Variants in MEGF6 observed in about 807,000 individuals in gnomAD.
MEGF6 encodes multiple epidermal growth factor-like domains protein 6.
A neutral mutation model predicts 207.1 loss-of-function variants in MEGF6; 184 were observed. The observed-to-expected ratio is 0.89, with a 90% CI of 0.79 to 1.00. The LOEUF is 1.00. Ranked by LOEUF, MEGF6 falls within the 50% of genes least tolerant of loss-of-function variation. The probability of loss-of-function intolerance (pLI) is 0.00; values close to 1 mark genes in which losing one functional copy is unlikely to be tolerated. For missense variants in MEGF6, 2,282 were observed against 2,202.9 expected, an observed-to-expected ratio of 1.04 and a Z score of -0.72; for synonymous variants, 1,038 against 910.0, an observed-to-expected ratio of 1.14 and a Z score of -2.53.
At chr1:3,555,820 C>G (rs1427577452) in intron 4 of MEGF6, among the ~76,000 whole-genome samples, 1 of 152,234 alleles carries the variant, frequency 6.6e-6, no homozygotes, top group African/African-American at 2.4e-5. Context: ...CTTGCCCCTG[C>G]CCCCAACCAA....
chr1:3,542,558 G>A (rs1410752384), intron 4 of MEGF6, among the ~76,000 whole-genome samples: 1 of 152,190 alleles, frequency 6.6e-6, no homozygotes, highest in Non-Finnish European at 1.5e-5. Context: ...AGAGAGTGGG[G>A]AGCCCAGGCC....
chr1:3,498,396 G>A lies in MEGF6; in HGVS notation c.3327C>T (p.Gly1109=), dbSNP rs762540872. 1.9e-6 allele frequency: 3 copies of A among 1,600,774 alleles called. No homozygotes were observed. In the African/African-American group the frequency reaches 4.0e-5, roughly 21 times the overall value. ...GGCTCTGACACTTGTCCCCAGTCCA[G>A]CCGGCTGGGCAGAGGCAGCGGCCCG... ...PHTGRCLCPA[G]WTGDKCQSPC... Residue 1109 remains glycine (G), a synonymous_variant, in exon 26 of 37, where the codon GGC becomes GGT. Coordinates refer to ENST00000356575, the MANE Select transcript of MEGF6 (RefSeq NM_001409.4).
chr1:3,605,076 TCA>T (rs1234559732), intron 1 of MEGF6, among the ~76,000 whole-genome samples: 1 of 150,768 alleles, frequency 6.6e-6, no homozygotes, highest in African/African-American at 2.4e-5. Flanking sequence ...ACTCACACTC[TCA>T]GTCACACACA....
At position 3,540,160 on chromosome 1, in the gene MEGF6, C is replaced by T. The variant is rs1390226155; in HGVS notation, c.482-15914G>A. Among the ~76,000 whole-genome samples, 5 of 152,346 alleles carry T rather than the reference C, an allele frequency of 3.3e-5. No individual in the cohort carries two copies. The South Asian group carries it at 6.2e-4, about 19-fold the overall frequency. The stretch of plus-strand genomic sequence containing the variant: ...GTCTTTCTGTTGCTGGGCTGGCTCT[C>T]ACCGCTGACGCTGAAGGCTATTATT... On this transcript the variant is annotated intron_variant, in intron 4 of 36. Coordinates refer to ENST00000356575, the MANE Select transcript of MEGF6 (RefSeq NM_001409.4).
chr1:3,496,395 G>A (rs1194022538), intron 29 of MEGF6, among the ~76,000 whole-genome samples: 1 of 152,274 alleles, frequency 6.6e-6, no homozygotes, highest in Non-Finnish European at 1.5e-5. Context: ...GCCCCTGGCA[G>A]ACATGGCGCA....
intron 1 of MEGF6, among the ~76,000 whole-genome samples, chr1:3,610,175 G>C (rs1433173773): frequency 6.6e-6 from 1 of 152,260 alleles, no homozygotes. Context: ...CTGGAGTAAA[G>C]CCAGACCCAG....
At chr1:3,620,826 T>G in the MEGF6 span, among the ~76,000 whole-genome samples, 1 of 152,154 alleles carries the variant, frequency 6.6e-6, no homozygotes, top group African/African-American at 2.4e-5. Context: ...GCGCTGTTAT[T>G]TATTGGGTAC....
chr1:3,548,811 C>A (rs1159819727), intron 4 of MEGF6, among the ~76,000 whole-genome samples: 1 of 152,204 alleles, frequency 6.6e-6, no homozygotes, highest in Non-Finnish European at 1.5e-5. Context: ...TCACAGCCAC[C>A]CACCCCGACC....
At chr1:3,593,830 C>G (rs1438602131) in intron 3 of MEGF6, among the ~76,000 whole-genome samples, 1 of 151,608 alleles carries the variant, frequency 6.6e-6, no homozygotes, top group Non-Finnish European at 1.5e-5. Context: ...CTGGCCAGCA[C>G]CCCCCTCCCT....
At chr1:3,534,688 G>T (rs558699890) in intron 4 of MEGF6, among the ~76,000 whole-genome samples, 2 of 152,316 alleles carry the variant, frequency 1.3e-5, no homozygotes, top group African/African-American at 4.8e-5. Flanking sequence ...AGTGTCCAGA[G>T]CTGATTCCCA....
At chr1:3,510,949 T>C (rs771258983) in intron 9 of MEGF6, 47 bp from the exon 10 acceptor site, 1 of 1,566,416 alleles carries the variant, frequency 6.4e-7, no homozygotes, top group Non-Finnish European at 8.7e-7. Flanking sequence ...CACCTGCACG[T>C]GCACACGCCC....
chr1:3,593,789 A>G (rs571693355), intron 3 of MEGF6, among the ~76,000 whole-genome samples: 1 of 152,234 alleles, frequency 6.6e-6, no homozygotes, highest in South Asian at 2.1e-4. Flanking sequence ...CATCAGCAAC[A>G]GTGGGGGCTG....
intron 35 of MEGF6, among the ~76,000 whole-genome samples, chr1:3,492,423 C>G (rs553547674): frequency 6.6e-6 from 1 of 152,308 alleles, no homozygotes; most frequent in South Asian, 2.1e-4. Context: ...CCCCTGTCCC[C>G]TGGTTAAGTG....
At chr1:3,500,798 C>A in intron 20 of MEGF6, 34 bp from the exon 21 acceptor site, 1 of 1,599,252 alleles carries the variant, frequency 6.3e-7, no homozygotes, top group Non-Finnish European at 8.5e-7. Flanking sequence ...CGGCGCAGGC[C>A]CAAGCGCGGG....
chr1:3,595,434 T>G lies in MEGF6; in HGVS notation c.280A>C (p.Met94Leu). 6.2e-7 allele frequency: 1 copy of G among 1,611,500 alleles called. No individual in the cohort carries two copies. The highest frequency in any genetic ancestry group is 1.3e-5 in the African/African-American group (1 of 74,992). ...VGHERRTVYY[M>L]GYRQVYTTEA... ...GTGGTATACACCTGCCTGTAGCCCA[T>G]GTAGTAGACGGTTCTAGAAAGAAAG... The change falls in exon 3 of 37, where the codon ATG becomes CTG. Residue 94 changes from methionine to leucine, a missense_variant. Coordinates refer to ENST00000356575, the MANE Select transcript of MEGF6 (RefSeq NM_001409.4).
rs762240993 is a variant in MEGF6, at chr1:3,499,239, T to C, written c.2993A>G (p.Asn998Ser). The C allele has an allele frequency of 3.1e-6, 5 of 1,606,236 alleles. No individual in the cohort carries two copies. The highest frequency in any genetic ancestry group is 1.7e-5 in the Admixed American group (1 of 59,292). ...AAAGCAGGCACAGGCCTGGCTGCAA[T>C]TGTGCCCGTAGGTGTGGGCTGGGCA... ...ETCPAHTYGH[N>S]CSQACACFNG... The change falls in exon 24 of 37, where the codon AAT becomes AGT. Residue 998 changes from asparagine (N) to serine (S), a missense_variant. Physicochemically the swap from Asn to Ser is conservative, Grantham distance 46. Transcript: ENST00000356575.
chr1:3,526,394 AC>A (rs1476964930), intron 4 of MEGF6, among the ~76,000 whole-genome samples: 1 of 135,892 alleles, frequency 7.4e-6, no homozygotes, highest in Non-Finnish European at 1.6e-5. Context: ...GCCAGGTGAC[AC>A]CTATTTTTTT....
Position 3,565,676 on chromosome 1 carries a change from A to G in MEGF6, c.481+14149T>C, listed in dbSNP as rs1429068853. On this transcript the variant is annotated intron_variant, in intron 4 of 36. Coordinates refer to ENST00000356575, the MANE Select transcript of MEGF6 (RefSeq NM_001409.4). The surrounding 1 kb of genome is among the most constrained non-coding windows in gnomAD (Gnocchi z 4.8). ...TAAACAGAGTGGCATGGGGCTGTCC[A>G]GGATTCCCTGTCCCAGGGGTTCAGG... is the stretch of plus-strand genomic sequence containing the variant. 2.0e-5 allele frequency among the ~76,000 whole-genome samples: 3 copies of G among 152,122 alleles called. No individual in the cohort carries two copies. Among genetic ancestry groups the G allele is most frequent in the Non-Finnish European group, 4.4e-5 (3 of 67,984 alleles).
At position 3,514,504 on chromosome 1, in the gene MEGF6, C is replaced by T. The variant is rs764506113; in HGVS notation, c.853+46G>A. 6.5e-5 allele frequency: 100 copies of T among 1,547,824 alleles called. 1 individual carries two copies. In the South Asian group the frequency reaches 9.8e-4, roughly 15 times the overall value. On this transcript the variant is annotated intron_variant, in intron 7 of 36. Transcript: ENST00000356575. ...CGGGTCCCTCCACAGCACCTGGGTG[C>T]GCTTTCTGACCCTGGGCGGGGCGGA...
Sources: allele counts gnomAD v4.1 joint callset (sites outside exome capture counted in the v4.1 genomes callset), GRCh38; gene constraint gnomAD v4.1.1; non-coding constraint Gnocchi (gnomAD v3.1); transcripts MANE v1.5; gene names NCBI Gene and HGNC (gene_info 2026-07-23, HGNC 2026-07-21).